The following NDST4 variants were observed in gnomAD, a reference collection of about 807,000 sequenced individuals.
NDST4 encodes the protein N-heparan sulfate sulfotransferase 4.
Under a neutral mutation model 100.8 loss-of-function variants are expected in NDST4, and 63 were observed. The observed-to-expected ratio is 0.62, with a 90% CI of 0.51 to 0.77. The LOEUF is 0.77. Among genes scored for constraint, NDST4 ranks in the 30% least tolerant of loss-of-function variants. The pLI is 0.00. For missense variants in NDST4, 943 were observed against 1,018.4 expected, an observed-to-expected ratio of 0.93 and a Z score of 1.01; for synonymous variants, 377 against 361.8, an observed-to-expected ratio of 1.04 and a Z score of -0.48.
rs1390759809 is a variant in NDST4 at position 114,856,188 on chromosome 4, G to T, written c.1720-3367C>A. Reference sequence around the variant, plus strand: ...AGTGATTCTCCTACCTCAGCCTCCGGATTATCTGAGACTACAGATGTGCAC... The same window carrying T: ...AGTGATTCTCCTACCTCAGCCTCCGTATTATCTGAGACTACAGATGTGCAC... On this transcript the variant is annotated intron_variant, in intron 7 of 13. Coordinates refer to ENST00000264363, the MANE Select transcript of NDST4 (RefSeq NM_022569.3). 2.0e-5 allele frequency among the ~76,000 whole-genome samples: 3 copies of T among 151,842 alleles called. No homozygotes were observed. In the East Asian group the frequency reaches 5.8e-4, roughly 29 times the overall value.
intron 6 of NDST4, among the ~76,000 whole-genome samples, chr4:114,909,578 T>C (rs536594686): frequency 6.0e-4 from 87 of 145,726 alleles, no homozygotes; most frequent in East Asian, 2.2e-3. Context: ...GAGAATGGCG[T>C]GAACCCGGGA....
intron 6 of NDST4, among the ~76,000 whole-genome samples, chr4:114,872,284 T>C (rs1724165106): frequency 6.6e-6 from 1 of 151,972 alleles, no homozygotes; most frequent in Non-Finnish European, 1.5e-5. Context: ...AAATCTGCTC[T>C]GGCAAGCCAC....
intron 2 of NDST4, among the ~76,000 whole-genome samples, chr4:115,057,001 C>A (rs58982862): frequency 6.6e-6 from 1 of 151,904 alleles, no homozygotes; most frequent in African/African-American, 2.4e-5. Flanking sequence ...TTTTTTCTTT[C>A]TACTTCTCTT....
intron 7 of NDST4, among the ~76,000 whole-genome samples, chr4:114,867,164 T>C (rs1390545934): frequency 6.6e-6 from 1 of 152,174 alleles, no homozygotes; most frequent in African/African-American, 2.4e-5. Flanking sequence ...TAATTTCTTA[T>C]TCTGCTCTTA....
intron 1 of NDST4, among the ~76,000 whole-genome samples, chr4:115,098,445 G>A (rs992378229): frequency 6.6e-6 from 1 of 152,004 alleles, no homozygotes; most frequent in African/African-American, 2.4e-5. Flanking sequence ...ATAGTCCAGA[G>A]GAAGACTTAA....
intron 2 of NDST4, among the ~76,000 whole-genome samples, chr4:115,013,359 A>ATG (rs1727599984): frequency 9.8e-6 from 1 of 101,680 alleles, no homozygotes; most frequent in Non-Finnish European, 2.1e-5. Context: ...ATATATATAT[A>ATG]TATATATATA....
intron 7 of NDST4, among the ~76,000 whole-genome samples, chr4:114,869,293 C>T (rs867722243): frequency 1.3e-5 from 2 of 151,516 alleles, no homozygotes; most frequent in African/African-American, 2.4e-5. Context: ...GGAAGAGTAG[C>T]GCTGGAGGCC....
chr4:114,944,847 C>T (rs1387507674), intron 4 of NDST4, among the ~76,000 whole-genome samples: 2 of 152,110 alleles, frequency 1.3e-5, no homozygotes, highest in Non-Finnish European at 1.5e-5. Flanking sequence ...AACACCACCC[C>T]GGTGCTGCAT....
intron 2 of NDST4, among the ~76,000 whole-genome samples, chr4:114,996,186 T>C (rs182313918): frequency 1.7e-4 from 26 of 152,138 alleles, no homozygotes; most frequent in African/African-American, 6.0e-4. Flanking sequence ...AGATCATGGA[T>C]GCAGTTTCCC....
At chr4:114,849,006 C>A (rs1425437562) in intron 8 of NDST4, among the ~76,000 whole-genome samples, 3 of 152,156 alleles carry the variant, frequency 2.0e-5, no homozygotes, top group African/African-American at 7.2e-5. Flanking sequence ...GAAGTGTATT[C>A]TAATACTTTT....
At chr4:115,011,488 A>T (rs556197702) in intron 2 of NDST4, among the ~76,000 whole-genome samples, 3 of 151,760 alleles carry the variant, frequency 2.0e-5, no homozygotes, top group African/African-American at 7.2e-5. Flanking sequence ...TGCAATCTCC[A>T]GTACTCACTT....
intron 1 of NDST4, among the ~76,000 whole-genome samples, chr4:115,098,604 G>T (rs72900640): frequency 1.3e-5 from 2 of 152,174 alleles, no homozygotes; most frequent in African/African-American, 4.8e-5. Context: ...TAAAGCTATA[G>T]TAATCAAGAC....
intron 2 of NDST4, among the ~76,000 whole-genome samples, chr4:114,985,445 T>C: frequency 6.6e-6 from 1 of 152,170 alleles, no homozygotes; most frequent in Non-Finnish European, 1.5e-5. Context: ...AAATAATATC[T>C]AATATTATCA....
intron 4 of NDST4, among the ~76,000 whole-genome samples, chr4:114,954,151 C>T (rs1013541258): frequency 6.6e-6 from 1 of 152,076 alleles, no homozygotes; most frequent in East Asian, 1.9e-4. Flanking sequence ...CAGGGAAATG[C>T]TAGTAATATT....
chr4:114,854,647 T>C (rs1723753409), intron 7 of NDST4, among the ~76,000 whole-genome samples: 1 of 152,150 alleles, frequency 6.6e-6, no homozygotes, highest in African/African-American at 2.4e-5. Flanking sequence ...TTTTTGTATT[T>C]TTAGTAAAGA....
chr4:115,012,215 A>G (rs558325374), intron 2 of NDST4, among the ~76,000 whole-genome samples: 21 of 152,050 alleles, frequency 1.4e-4, no homozygotes, highest in Non-Finnish European at 2.6e-4. Context: ...TATAACCTAG[A>G]TATCATACCT....
chr4:114,952,667 C>T (rs565799302), intron 4 of NDST4, among the ~76,000 whole-genome samples: 4 of 152,016 alleles, frequency 2.6e-5, no homozygotes, highest in South Asian at 2.1e-4. Context: ...TAGGAATTGA[C>T]GAGAACCTTG....
At chr4:115,093,768 T>C (rs982619941) in intron 1 of NDST4, among the ~76,000 whole-genome samples, 1 of 152,024 alleles carries the variant, frequency 6.6e-6, no homozygotes, top group African/African-American at 2.4e-5. Flanking sequence ...AAAACAATTA[T>C]AAATAAGATA....
At chr4:115,107,000 A>C (rs752813255) in intron 1 of NDST4, among the ~76,000 whole-genome samples, 4 of 151,976 alleles carry the variant, frequency 2.6e-5, no homozygotes, top group Non-Finnish European at 5.9e-5. Context: ...AAAAATATGA[A>C]TAATAAAATT....
Sources: allele counts gnomAD v4.1 joint callset (sites outside exome capture counted in the v4.1 genomes callset), GRCh38; gene constraint gnomAD v4.1.1; transcripts MANE v1.5; gene names NCBI Gene and HGNC (gene_info 2026-07-23, HGNC 2026-07-21).